Variants in ZDHHC2 observed in about 807,000 individuals in gnomAD.
ZDHHC2 encodes palmitoyltransferase ZDHHC2.
Under a neutral mutation model 55.6 loss-of-function variants are expected in ZDHHC2, and 51 were observed. That is an observed-to-expected ratio of 0.92 (90% CI 0.73 to 1.16). ZDHHC2 has a LOEUF of 1.16. Among genes scored for constraint, ZDHHC2 ranks in the 50% most tolerant of loss-of-function variants. The pLI is 0.00. For synonymous variants in ZDHHC2, 199 were observed against 152.9 expected, an observed-to-expected ratio of 1.30 and a Z score of -2.22; for missense variants, 491 against 442.4, an observed-to-expected ratio of 1.11 and a Z score of -0.99.
Position 17,186,530 on chromosome 8 carries a change from A to C in ZDHHC2, c.252+105A>C, listed in dbSNP as rs981445863. 9.1e-6 allele frequency: 6 copies of C among 657,636 alleles called. No individual in the cohort carries two copies. In the African/African-American group the frequency reaches 1.2e-4, roughly 13 times the overall value. The allele number at this position is 657,636 out of a possible 1,614,324, so 40.7% of individuals were successfully genotyped here. On this transcript the variant is annotated intron_variant, in intron 3 of 12. Transcript: ENST00000262096. ...TTAATGTTGCAAACTTATTGAGTTT[A>C]GTGACTTTTTAGATTAAAAAAATTA...
intron 11 of ZDHHC2, among the ~76,000 whole-genome samples, chr8:17,215,937 G>T (rs1233015196): frequency 1.3e-5 from 2 of 152,154 alleles, no homozygotes; most frequent in Non-Finnish European, 2.9e-5. Flanking sequence ...CCCTAATTTG[G>T]GCTCCTAGTA....
Position 17,206,527 on chromosome 8 carries a change from C to G in ZDHHC2, c.597+752C>G, listed in dbSNP as rs545960034. On this transcript the variant is annotated intron_variant, in intron 7 of 12. Transcript: ENST00000262096. ...TACTGCAAATAACGAGAATTGATGACTATATAAGATTTTTTTCAGGATTTA... is the reference window on the plus strand; with the variant it reads ...TACTGCAAATAACGAGAATTGATGAGTATATAAGATTTTTTTCAGGATTTA... Among the ~76,000 whole-genome samples the G allele has an allele frequency of 7.9e-5, 12 of 152,126 alleles. 1 individual carries two copies. Among genetic ancestry groups the G allele is most frequent in the Admixed American group, 5.2e-4 (8 of 15,286 alleles).
At chr8:17,205,519 A>T in intron 6 of ZDHHC2, 136 bp from the exon 7 acceptor site, 1 of 1,036,490 alleles carries the variant, frequency 9.6e-7, no homozygotes, top group East Asian at 2.8e-5. Flanking sequence ...TTGTATGCAT[A>T]AAGAAATCTT....
chr8:17,199,612 C>CTTCTTCTTCTTCTTCCT (rs773068731), intron 6 of ZDHHC2, among the ~76,000 whole-genome samples: 8,347 of 68,782 alleles, frequency 0.12, 739 homozygotes, highest in Admixed American at 0.23. Context: ...ATTCTTTCTT[C>CTTCTTCTTCTTCTTCCT]TTCTTCTTCT....
rs74701810 is a variant in ZDHHC2 at position 17,176,852 on chromosome 8, TAAA to T, written c.131-7933_131-7931del. Among the ~76,000 whole-genome samples, 39 of 151,866 alleles carry T rather than the reference TAAA, an allele frequency of 2.6e-4. No homozygotes were observed. In the East Asian group the frequency reaches 7.2e-3, roughly 28 times the overall value. On this transcript the variant is annotated intron_variant, in intron 1 of 12. Coordinates refer to ENST00000262096, the MANE Select transcript of ZDHHC2 (RefSeq NM_016353.5). The stretch of plus-strand genomic sequence containing the variant: ...AGAAACAGTTTGACTTAAAGTATAA[TAAA>T]AAATATAATATGTAAAAATATATAA...
Position 17,198,424 on chromosome 8 carries a change from TG to T in ZDHHC2, c.476+12del. 1 of 1,596,030 alleles carries T rather than the reference TG, an allele frequency of 6.3e-7. No individual in the cohort carries two copies. The highest frequency in any genetic ancestry group is 2.3e-5 in the East Asian group (1 of 44,042). ...TCATCATTGTCCATGGTGAGTTGGC[TG>T]TATATTTAAACAAGTTTGTGTCCCT... On this transcript the variant is annotated intron_variant, in intron 6 of 12. Transcript: ENST00000262096.
chr8:17,209,605 C>A (rs1374359463), intron 8 of ZDHHC2, among the ~76,000 whole-genome samples: 12 of 152,036 alleles, frequency 7.9e-5, no homozygotes, highest in Non-Finnish European at 1.5e-5. Flanking sequence ...GTTTATGGAT[C>A]CATCCATTTA....
intron 6 of ZDHHC2, among the ~76,000 whole-genome samples, chr8:17,200,292 A>G (rs1284793475): frequency 6.6e-6 from 1 of 152,218 alleles, no homozygotes; most frequent in East Asian, 1.9e-4. Flanking sequence ...AGAAGTGCCA[A>G]GGCATTCATA....
intron 1 of ZDHHC2, among the ~76,000 whole-genome samples, chr8:17,176,156 C>G (rs1358591231): frequency 6.6e-6 from 1 of 152,096 alleles, no homozygotes; most frequent in Non-Finnish European, 1.5e-5. Flanking sequence ...TCATGGTTTT[C>G]TTATTGCAAA....
chr8:17,204,160 A>C (rs1170681252), intron 6 of ZDHHC2, among the ~76,000 whole-genome samples: 1 of 152,254 alleles, frequency 6.6e-6, no homozygotes, highest in East Asian at 1.9e-4. Context: ...TTAAGTTTAC[A>C]AATTACTAAA....
At chr8:17,171,083 C>G (rs1563142372) in intron 1 of ZDHHC2, among the ~76,000 whole-genome samples, 1 of 152,080 alleles carries the variant, frequency 6.6e-6, no homozygotes, top group African/African-American at 2.4e-5. Flanking sequence ...CATGGTTCTA[C>G]TGAGTCAGTC....
In ZDHHC2 at chr8:17,224,574, TGATA is replaced by T. The variant is rs779076101; in HGVS notation, c.*4354_*4357del. On this transcript the variant is annotated 3_prime_UTR_variant, in exon 13 of 13. Transcript: ENST00000262096. Reference sequence around the variant, plus strand: ...GCTTAATATATTGCTTCTGTTTGATTGATAAAGGTGCTTAATCAATTGAAAAAAA... The same window carrying T: ...GCTTAATATATTGCTTCTGTTTGATTAAGGTGCTTAATCAATTGAAAAAAA... 5 of 151,706 alleles carry T rather than the reference TGATA, an allele frequency of 3.3e-5. No individual in the cohort carries two copies. The highest frequency in any genetic ancestry group is 7.3e-5 in the African/African-American group (3 of 41,378). The allele number at this position is 151,706 out of a possible 1,614,324, so 9.4% of individuals were successfully genotyped here.
Position 17,201,786 on chromosome 8 carries a change from G to A in ZDHHC2, c.476+3373G>A, listed in dbSNP as rs1384740380. On this transcript the variant is annotated intron_variant, in intron 6 of 12. Transcript: ENST00000262096. ...GGTAGGATTACAGGCATGAGCCAACGCGCCCGGCCAGGGCAGCTTTTTTAT... is the reference window on the plus strand; with the variant it reads ...GGTAGGATTACAGGCATGAGCCAACACGCCCGGCCAGGGCAGCTTTTTTAT... Among the ~76,000 whole-genome samples the A allele has an allele frequency of 2.6e-5, 4 of 151,530 alleles. No individual in the cohort carries two copies. In the South Asian group the frequency reaches 6.3e-4, roughly 24 times the overall value.
intron 1 of ZDHHC2, among the ~76,000 whole-genome samples, chr8:17,181,530 A>G (rs1176524608): frequency 6.6e-6 from 1 of 152,248 alleles, no homozygotes; most frequent in African/African-American, 2.4e-5. Context: ...ACTGGTTTAA[A>G]GGAAATGAGA....
chr8:17,193,829 T>C lies in ZDHHC2; in HGVS notation c.253-1675T>C, dbSNP rs577819600. ...ACATGTCCAGAACGTGGAGGTTTGT[T>C]ACATAGGTATACACGTGCCATGGTG... On this transcript the variant is annotated intron_variant, in intron 3 of 12. Transcript: ENST00000262096. Among the ~76,000 whole-genome samples, 23 of 152,312 alleles carry C rather than the reference T, an allele frequency of 1.5e-4. No individual in the cohort carries two copies. In the East Asian group the frequency reaches 3.5e-3, roughly 23 times the overall value.
At position 17,222,935 on chromosome 8, in the gene ZDHHC2, G is replaced by C. The variant is rs1807982607; in HGVS notation, c.*2714G>C. ...AGTTAAGTGATTCTGAGGACAATTA[G>C]AAACAGACTATAAAACTCAACTACA... On this transcript the variant is annotated 3_prime_UTR_variant, in exon 13 of 13. Transcript: ENST00000262096. 6.6e-6 allele frequency: 1 copy of C among 151,736 alleles called. No individual in the cohort carries two copies. The highest frequency in any genetic ancestry group is 2.1e-4 in the South Asian group (1 of 4,826). 9.4% of individuals were successfully genotyped at this position (151,736 alleles called of 1,614,324 possible). A position where few individuals can be genotyped will look rare whatever the true frequency, so the allele number is the denominator to read the frequency against.
chr8:17,208,141 ACAT>A (rs1807198905), intron 8 of ZDHHC2, 49 bp downstream of exon 8: 2 of 1,463,534 alleles, frequency 1.4e-6, no homozygotes, highest in Middle Eastern at 2.3e-4. Flanking sequence ...ACGTATACCA[ACAT>A]TCATTGACAG....
At chr8:17,203,037 T>A (rs545759578) in intron 6 of ZDHHC2, among the ~76,000 whole-genome samples, 1 of 151,456 alleles carries the variant, frequency 6.6e-6, no homozygotes, top group African/African-American at 2.4e-5. Context: ...CCACAAGTCA[T>A]TATTTACACC....
chr8:17,195,583 C>T lies in ZDHHC2; in HGVS notation c.332C>T (p.Ala111Val). The change falls in exon 4 of 13, where the codon GCA becomes GTA. Residue 111 changes from alanine to valine, a missense_variant. Physicochemically the swap from Ala to Val is moderately conservative, Grantham distance 64 (BLOSUM62 0). Coordinates refer to ENST00000262096, the MANE Select transcript of ZDHHC2 (RefSeq NM_016353.5). Reference sequence around the variant, plus strand: ...GCCCATCAGGAAGTTCTTAGGCGAGCAGCCAAGGATCTTCCCATCTATACC... The same window carrying T: ...GCCCATCAGGAAGTTCTTAGGCGAGTAGCCAAGGATCTTCCCATCTATACC... ...GEAHQEVLRR[A>V]AKDLPIYTRT... 2 of 1,613,880 alleles carry T rather than the reference C, an allele frequency of 1.2e-6. No individual in the cohort carries two copies. The highest frequency in any genetic ancestry group is 8.5e-7 in the Non-Finnish European group (1 of 1,179,802).
Sources: allele counts gnomAD v4.1 joint callset (sites outside exome capture counted in the v4.1 genomes callset), GRCh38; gene constraint gnomAD v4.1.1; transcripts MANE v1.5; gene names NCBI Gene and HGNC (gene_info 2026-07-23, HGNC 2026-07-21).